Variants in AGAP1 observed in about 807,000 individuals in gnomAD.
The protein encoded by AGAP1 is ArfGAP with GTPase domain, ankyrin repeat and PH domain 1, also known as arf-GAP with GTPase, ANK repeat and PH domain-containing protein 1.
In AGAP1, 29 loss-of-function variants were observed where a neutral mutation model predicts 105.3. The observed-to-expected ratio is 0.28, with a 90% CI of 0.21 to 0.38. The LOEUF (loss-of-function observed/expected upper bound fraction) is 0.38, where lower values mean the gene tolerates loss of function less well. Ranked by LOEUF, AGAP1 falls within the 10% of genes least tolerant of loss-of-function variation. AGAP1 has a pLI of 1.00. For synonymous variants in AGAP1, 509 were observed against 485.9 expected, an observed-to-expected ratio of 1.05 and a Z score of -0.63; for missense variants, 998 against 1,165.1, an observed-to-expected ratio of 0.86 and a Z score of 2.09.
chr2:235,945,356 G>A (rs1228985879), intron 12 of AGAP1, among the ~76,000 whole-genome samples: 2 of 152,106 alleles, frequency 1.3e-5, no homozygotes, highest in Non-Finnish European at 2.9e-5. Flanking sequence ...CACCCACCTT[G>A]GCCTCCCAAT....
chr2:235,546,931 C>T (rs140963056), intron 1 of AGAP1, among the ~76,000 whole-genome samples: 68 of 152,304 alleles, frequency 4.5e-4, no homozygotes, highest in Admixed American at 2.2e-3. Flanking sequence ...ACTGAGCAGG[C>T]GGCTCACTGG....
In AGAP1 at chr2:235,976,972, C is replaced by T. The variant is rs879417921; in HGVS notation, c.1645+8349C>T. Among the ~76,000 whole-genome samples the T allele has an allele frequency of 6.6e-6, 1 of 152,226 alleles. No individual in the cohort carries two copies. Among genetic ancestry groups the T allele is most frequent in the Non-Finnish European group, 1.5e-5 (1 of 68,036 alleles). On this transcript the variant is annotated intron_variant, in intron 13 of 17. Coordinates refer to ENST00000304032, the MANE Select transcript of AGAP1 (RefSeq NM_001037131.3). The surrounding 1 kb of genome is among the most constrained non-coding windows in gnomAD (Gnocchi z 4.5). ...CATTTGAGCTCCTTAGCCTGCTACACAGAAGCATAAACTCACCTTTGAAAA... is the reference window on the plus strand; with the variant it reads ...CATTTGAGCTCCTTAGCCTGCTACATAGAAGCATAAACTCACCTTTGAAAA...
At chr2:235,704,701 C>T (rs1950437191) in intron 1 of AGAP1, among the ~76,000 whole-genome samples, 1 of 152,228 alleles carries the variant, frequency 6.6e-6, no homozygotes, top group South Asian at 2.1e-4. Context: ...TGATGCTCAC[C>T]TGTTGCTGGC....
In AGAP1 at chr2:236,049,387, A is replaced by G. The variant is rs2057826017; in HGVS notation, c.2114+106A>G. 1.6e-5 allele frequency: 17 copies of G among 1,034,398 alleles called. No homozygotes were observed. The East Asian group carries it at 3.1e-4, about 19-fold the overall frequency. 64.1% of individuals were successfully genotyped at this position (1,034,398 alleles called of 1,614,324 possible). ...GGTTGGGAAGGCCCTGATAACCTGT[A>G]GGAATTCGGGAATTCCGATTCATCC... On this transcript the variant is annotated intron_variant, in intron 16 of 17. Transcript: ENST00000304032.
At chr2:235,859,089 C>G (rs940451180) in intron 9 of AGAP1, among the ~76,000 whole-genome samples, 2 of 152,150 alleles carry the variant, frequency 1.3e-5, no homozygotes, top group African/African-American at 2.4e-5. Flanking sequence ...AATGTTGTCT[C>G]GATCTTTATT....
intron 1 of AGAP1, among the ~76,000 whole-genome samples, chr2:235,561,480 T>C (rs1252105717): frequency 1.3e-5 from 2 of 152,154 alleles, no homozygotes; most frequent in African/African-American, 2.4e-5. Flanking sequence ...CTTTATCTCC[T>C]GCTTCCTCTG....
intron 6 of AGAP1, among the ~76,000 whole-genome samples, chr2:235,776,713 G>A (rs1007263271): frequency 2.6e-4 from 40 of 152,224 alleles, no homozygotes; most frequent in African/African-American, 7.0e-4. Flanking sequence ...TGCAGGGAGC[G>A]GAGGGCCCTC....
At chr2:235,815,422 G>A (rs1462470538) in intron 9 of AGAP1, among the ~76,000 whole-genome samples, 2 of 152,134 alleles carry the variant, frequency 1.3e-5, no homozygotes, top group Non-Finnish European at 2.9e-5. Context: ...TTGAATCAGG[G>A]TCCCATCTGT....
At chr2:235,616,587 T>G (rs1574970874) in intron 1 of AGAP1, among the ~76,000 whole-genome samples, 1 of 143,902 alleles carries the variant, frequency 6.9e-6, no homozygotes, top group Admixed American at 6.7e-5. Context: ...CTATCTTCTT[T>G]TAACCCTAGA....
rs745477322 is a variant in AGAP1, at chr2:236,014,889, CCG to C, written c.1646-21670_1646-21669del. On this transcript the variant is annotated intron_variant, in intron 13 of 17. Coordinates refer to ENST00000304032, the MANE Select transcript of AGAP1 (RefSeq NM_001037131.3). This position sits in a 1 kb window ranked among gnomAD's most constrained non-coding sequence, Gnocchi z 6.3. ...AGCACCAACACTGAAGGTAACGCCTCCGCACCTCCACCCGCCCACACCTCCAC... is the reference window on the plus strand; with the variant it reads ...AGCACCAACACTGAAGGTAACGCCTCCACCTCCACCCGCCCACACCTCCAC... The C allele has an allele frequency of 2.4e-6, 1 of 414,102 alleles. No individual in the cohort carries two copies. Among genetic ancestry groups the C allele is most frequent in the Non-Finnish European group, 5.1e-6 (1 of 197,982 alleles). 25.7% of individuals were successfully genotyped at this position (414,102 alleles called of 1,614,324 possible).
At chr2:235,742,362 A>G (rs1435539515) in intron 4 of AGAP1, among the ~76,000 whole-genome samples, 1 of 152,214 alleles carries the variant, frequency 6.6e-6, no homozygotes, top group Non-Finnish European at 1.5e-5. Flanking sequence ...GGATGCTGCC[A>G]ATTAAACTAT....
chr2:235,913,891 T>G (rs901330057), intron 11 of AGAP1, among the ~76,000 whole-genome samples: 4 of 152,220 alleles, frequency 2.6e-5, no homozygotes, highest in African/African-American at 9.6e-5. Flanking sequence ...ATCTTTACTG[T>G]GTGGAGTTCC....
At chr2:236,112,416 GA>G (rs35089728) in intron 16 of AGAP1, among the ~76,000 whole-genome samples, 15 of 133,914 alleles carry the variant, frequency 1.1e-4, no homozygotes, top group South Asian at 4.6e-4. Context: ...ATTCCATCTC[GA>G]AAAAAAAAAA....
intron 1 of AGAP1, among the ~76,000 whole-genome samples, chr2:235,618,075 G>T (rs1040393799): frequency 1.2e-4 from 18 of 152,068 alleles, no homozygotes; most frequent in African/African-American, 3.9e-4. Context: ...ATCTGCGTCT[G>T]TATGTGATCG....
In AGAP1 at chr2:235,964,778, T is replaced by C. The variant is rs976387582; in HGVS notation, c.1484-3684T>C. On this transcript the variant is annotated intron_variant, in intron 12 of 17. Transcript: ENST00000304032. This position sits in a 1 kb window ranked among gnomAD's most constrained non-coding sequence, Gnocchi z 4.6. ...TAGAAATATCAGTATTGTAAAATCA[T>C]GGGACAGCTTAAAAGGTGAAAGTCT... is the stretch of plus-strand genomic sequence containing the variant. 6.6e-5 allele frequency among the ~76,000 whole-genome samples: 10 copies of C among 152,182 alleles called. No individual in the cohort carries two copies. The highest frequency in any genetic ancestry group is 2.9e-5 in the Non-Finnish European group (2 of 68,028).
intron 9 of AGAP1, among the ~76,000 whole-genome samples, chr2:235,834,934 G>A (rs554215349): frequency 2.0e-4 from 31 of 152,258 alleles, no homozygotes; most frequent in African/African-American, 5.5e-4. Context: ...GAAAACTTGC[G>A]GAAGCATTTT....
intron 9 of AGAP1, among the ~76,000 whole-genome samples, chr2:235,828,625 T>C (rs1261290058): frequency 6.6e-6 from 1 of 151,988 alleles, no homozygotes; most frequent in Non-Finnish European, 1.5e-5. Context: ...TAGTCCAGGG[T>C]AGAATTTAGG....
chr2:235,899,976 T>A (rs1232438564), intron 10 of AGAP1, among the ~76,000 whole-genome samples: 1 of 152,240 alleles, frequency 6.6e-6, no homozygotes, highest in Non-Finnish European at 1.5e-5. Flanking sequence ...TTTCTGCTTT[T>A]TGATTTGTAG....
Position 235,891,061 on chromosome 2 carries a change from C to G in AGAP1, c.1155+7612C>G, listed in dbSNP as rs1371284756. Among the ~76,000 whole-genome samples the G allele has an allele frequency of 6.6e-6, 1 of 151,950 alleles. No homozygotes were observed. Among genetic ancestry groups the G allele is most frequent in the Non-Finnish European group, 1.5e-5 (1 of 68,018 alleles). On this transcript the variant is annotated intron_variant, in intron 10 of 17. Coordinates refer to ENST00000304032, the MANE Select transcript of AGAP1 (RefSeq NM_001037131.3). This position sits in a 1 kb window ranked among gnomAD's most constrained non-coding sequence, Gnocchi z 4.2. ...TCAACCAAATAATGAATGAAACTGC[C>G]TTAATGGAGTGGCCAACTGCCCTGG...
Sources: allele counts gnomAD v4.1 joint callset (sites outside exome capture counted in the v4.1 genomes callset), GRCh38; gene constraint gnomAD v4.1.1; non-coding constraint Gnocchi (gnomAD v3.1); transcripts MANE v1.5; gene names NCBI Gene and HGNC (gene_info 2026-07-23, HGNC 2026-07-21).